The following ADK variants were observed in gnomAD, a reference collection of about 807,000 sequenced individuals.
ADK encodes adenosine kinase, also known as N6,N6-dimethyladenosine kinase.
A neutral mutation model predicts 44.7 loss-of-function variants in ADK; 24 were observed. That is an observed-to-expected ratio of 0.54 (90% CI 0.39 to 0.76). The LOEUF is 0.76. ADK is among the 30% of genes least tolerant of loss of function. The probability of loss-of-function intolerance (pLI) is 0.00; values close to 1 mark genes in which losing one functional copy is unlikely to be tolerated. For missense variants in ADK, 321 were observed against 425.1 expected, an observed-to-expected ratio of 0.76 and a Z score of 2.15; for synonymous variants, 128 against 142.6, an observed-to-expected ratio of 0.90 and a Z score of 0.73.
intron 3 of ADK, among the ~76,000 whole-genome samples, chr10:74,232,699 C>G (rs993513237): frequency 3.3e-5 from 5 of 152,140 alleles, no homozygotes; most frequent in African/African-American, 9.7e-5. Context: ...AATCTTAGCT[C>G]ACTGCAAGCT....
chr10:74,340,631 CAGAAT>C (rs1841552714), intron 4 of ADK, among the ~76,000 whole-genome samples: 1 of 151,986 alleles, frequency 6.6e-6, no homozygotes, highest in Non-Finnish European at 1.5e-5. Context: ...ATCTGGGCAT[CAGAAT>C]AGAGTCAAGA....
At chr10:74,561,799 A>G (rs1196369939) in intron 7 of ADK, among the ~76,000 whole-genome samples, 1 of 152,214 alleles carries the variant, frequency 6.6e-6, no homozygotes, top group African/African-American at 2.4e-5. Flanking sequence ...AGAGGAAAGC[A>G]GGCTAGAAAC....
chr10:74,223,789 A>G (rs541083205), intron 2 of ADK, among the ~76,000 whole-genome samples: 1 of 152,212 alleles, frequency 6.6e-6, no homozygotes, highest in African/African-American at 2.4e-5. Flanking sequence ...ATGGTCAATC[A>G]AAAACTCCAA....
At chr10:74,430,134 T>C (rs1191576890) in intron 6 of ADK, among the ~76,000 whole-genome samples, 1 of 152,220 alleles carries the variant, frequency 6.6e-6, no homozygotes, top group Non-Finnish European at 1.5e-5. Flanking sequence ...TCAGACTGGC[T>C]TGTGTCCAAG....
At chr10:74,419,193 T>C (rs758546041) in intron 6 of ADK, among the ~76,000 whole-genome samples, 6 of 152,164 alleles carry the variant, frequency 3.9e-5, no homozygotes, top group Non-Finnish European at 5.9e-5. Flanking sequence ...AAATGACCAT[T>C]CTTCCTCCCC....
chr10:74,309,942 A>C (rs1840379804), intron 3 of ADK, among the ~76,000 whole-genome samples: 1 of 151,940 alleles, frequency 6.6e-6, no homozygotes, highest in South Asian at 2.1e-4. Context: ...TTTTAATGCC[A>C]TTTTTGTACA....
intron 1 of ADK, among the ~76,000 whole-genome samples, chr10:74,158,985 C>A (rs1268635759): frequency 6.6e-6 from 1 of 152,130 alleles, no homozygotes; most frequent in East Asian, 1.9e-4. Flanking sequence ...AATGGTCTCC[C>A]AAACTGAAGT....
At chr10:74,258,771 G>C (rs1006951056) in intron 3 of ADK, among the ~76,000 whole-genome samples, 2 of 152,084 alleles carry the variant, frequency 1.3e-5, no homozygotes, top group Non-Finnish European at 2.9e-5. Flanking sequence ...CTGAAGCTGT[G>C]ATTATATAAT....
At chr10:74,632,883 C>G (rs1475587600) in intron 9 of ADK, among the ~76,000 whole-genome samples, 1 of 152,038 alleles carries the variant, frequency 6.6e-6, no homozygotes, top group African/African-American at 2.4e-5. Context: ...TCTTATTTCT[C>G]CTTCCTTTTT....
intron 3 of ADK, among the ~76,000 whole-genome samples, chr10:74,276,442 G>A (rs797019712): frequency 2.0e-5 from 3 of 152,282 alleles, no homozygotes; most frequent in African/African-American, 4.8e-5. Flanking sequence ...GGAGAAGGGT[G>A]TATTAATTTT....
At chr10:74,359,983 C>T (rs1013612117) in intron 4 of ADK, among the ~76,000 whole-genome samples, 7 of 151,860 alleles carry the variant, frequency 4.6e-5, no homozygotes, top group African/African-American at 1.5e-4. Flanking sequence ...TTTTGTATGT[C>T]GATTTTGTAT....
intron 6 of ADK, among the ~76,000 whole-genome samples, chr10:74,495,295 T>C (rs554908703): frequency 6.6e-6 from 1 of 152,244 alleles, no homozygotes; most frequent in South Asian, 2.1e-4. Flanking sequence ...TTTGATTTTT[T>C]TTTCCTTTTT....
chr10:74,538,144 G>A (rs1221786836), intron 7 of ADK, among the ~76,000 whole-genome samples: 1 of 151,872 alleles, frequency 6.6e-6, no homozygotes, highest in Non-Finnish European at 1.5e-5. Context: ...AGTCCCAGCT[G>A]CTCAGGAGGC....
chr10:74,321,950 G>T lies in ADK; in HGVS notation c.273+7205G>T, dbSNP rs1426907985. On this transcript the variant is annotated intron_variant, in intron 4 of 10. Transcript: ENST00000539909. ...ACATTGAACTCAAAATTGTAAAGCT[G>T]ATATTTCAAGAACTACCAATTAGTG... is the stretch of plus-strand genomic sequence containing the variant. Among the ~76,000 whole-genome samples, 4 of 152,250 alleles carry T rather than the reference G, an allele frequency of 2.6e-5. No individual in the cohort carries two copies. The East Asian group carries it at 7.7e-4, about 29-fold the overall frequency.
intron 10 of ADK, among the ~76,000 whole-genome samples, chr10:74,683,620 GA>G (rs1161957899): frequency 6.6e-6 from 1 of 152,116 alleles, no homozygotes; most frequent in Non-Finnish European, 1.5e-5. Flanking sequence ...GAAATGACAT[GA>G]AAAATACCAA....
At chr10:74,636,648 T>A (rs1370810774) in intron 9 of ADK, among the ~76,000 whole-genome samples, 1 of 152,178 alleles carries the variant, frequency 6.6e-6, no homozygotes, top group Admixed American at 6.5e-5. Flanking sequence ...TCACAACATA[T>A]GAAATGTAGA....
At chr10:74,275,477 G>A (rs1846638738) in intron 3 of ADK, among the ~76,000 whole-genome samples, 2 of 151,992 alleles carry the variant, frequency 1.3e-5, no homozygotes, top group African/African-American at 4.8e-5. Flanking sequence ...GTTACCTATC[G>A]GTAGAAAGTT....
intron 6 of ADK, among the ~76,000 whole-genome samples, chr10:74,462,391 G>T (rs1184304868): frequency 6.6e-6 from 1 of 152,006 alleles, no homozygotes; most frequent in Non-Finnish European, 1.5e-5. Flanking sequence ...CTAAAATTTT[G>T]TAAATCAACC....
chr10:74,153,578 G>A lies in ADK; in HGVS notation c.65+2235G>A, dbSNP rs375821756. 3.3e-4 allele frequency among the ~76,000 whole-genome samples: 50 copies of A among 152,314 alleles called. 1 individual carries two copies. In the Middle Eastern group the frequency reaches 0.01, roughly 31 times the overall value. ...GTGGGATTAGGGGAAAGAAGGGAAC[G>A]TTAATTGAGTGCTAGACATTATACT... is the stretch of plus-strand genomic sequence containing the variant. On this transcript the variant is annotated intron_variant, in intron 1 of 10. Transcript: ENST00000539909.
Sources: gnomAD v4.1 joint callset for allele counts (sites outside exome capture counted in the v4.1 genomes callset) on GRCh38, gnomAD v4.1.1 for gene constraint, MANE v1.5 for transcripts, NCBI Gene and HGNC (gene_info 2026-07-23, HGNC 2026-07-21) for gene names.